The following CD96 variants were observed in gnomAD, a reference collection of about 807,000 sequenced individuals.
CD96 encodes CD96 molecule, also known as T-cell surface protein tactile.
Under a neutral mutation model 71.3 loss-of-function variants are expected in CD96, and 70 were observed. The ratio of observed to expected loss-of-function variants is 0.98; its 90% CI spans 0.81 to 1.20. The LOEUF (loss-of-function observed/expected upper bound fraction) is 1.20. Ranked by LOEUF, CD96 falls within the 50% of genes most tolerant of loss-of-function variation. CD96 has a pLI of 0.00. For synonymous variants in CD96, 248 were observed against 233.0 expected, an observed-to-expected ratio of 1.06 and a Z score of -0.59; for missense variants, 742 against 677.5, an observed-to-expected ratio of 1.10 and a Z score of -1.06.
Position 111,606,721 on chromosome 3 carries a change from A to G in CD96, c.1109A>G (p.Asp370Gly), listed in dbSNP as rs761865731. 8 of 1,592,280 alleles carry G rather than the reference A, an allele frequency of 5.0e-6. No individual in the cohort carries two copies. The highest frequency in any genetic ancestry group is 1.7e-4 in the Middle Eastern group (1 of 6,020). Residue 370 changes from aspartate (D) to glycine (G), a missense_variant, in exon 8 of 14, where the codon GAC (aspartate) becomes GGC (glycine). Coordinates refer to ENST00000352690, the MANE Select transcript of CD96 (RefSeq NM_005816.5). Reference protein sequence around the residue: ...FLLGSEISSTDPPLSVTESTL... With the variant: ...FLLGSEISSTGPPLSVTESTL... ...TAAGGTTCTGAAATTTCCTCAACAG[A>G]CCCTCCACTGAGTGTTACAGAATCT...
intron 10 of CD96, among the ~76,000 whole-genome samples, chr3:111,631,161 G>A (rs930643031): frequency 6.6e-6 from 1 of 152,142 alleles, no homozygotes; most frequent in Non-Finnish European, 1.5e-5. Context: ...CCAGGCAAGA[G>A]AAAGAAATAA....
At chr3:111,608,069 G>GTGTGGAA (rs1937712183) in intron 8 of CD96, among the ~76,000 whole-genome samples, 1 of 152,196 alleles carries the variant, frequency 6.6e-6, no homozygotes, top group South Asian at 2.1e-4. Flanking sequence ...GCTGGAAGGT[G>GTGTGGAA]CTAACCTGGG....
intron 12 of CD96, among the ~76,000 whole-genome samples, chr3:111,646,072 C>T (rs989188841): frequency 6.6e-6 from 1 of 152,074 alleles, no homozygotes; most frequent in African/African-American, 2.4e-5. Flanking sequence ...GCAGTTACTA[C>T]CTAGCCGAGA....
chr3:111,565,343 A>G (rs1446278329), intron 2 of CD96, among the ~76,000 whole-genome samples: 2 of 152,138 alleles, frequency 1.3e-5, no homozygotes, highest in African/African-American at 4.8e-5. Flanking sequence ...TACCCTATTT[A>G]TCTTCTTTGT....
intron 2 of CD96, among the ~76,000 whole-genome samples, chr3:111,551,512 T>C (rs898545246): frequency 2.0e-5 from 3 of 152,280 alleles, no homozygotes; most frequent in South Asian, 2.1e-4. Context: ...TCAAAATCAT[T>C]TTGAAATTTA....
chr3:111,588,814 A>T (rs577232115), intron 5 of CD96, among the ~76,000 whole-genome samples: 43 of 152,356 alleles, frequency 2.8e-4, no homozygotes, highest in African/African-American at 1.0e-3. Flanking sequence ...AATCCTGATT[A>T]TACAGCAAAA....
intron 12 of CD96, among the ~76,000 whole-genome samples, chr3:111,640,167 T>G (rs1939525170): frequency 6.6e-6 from 1 of 152,064 alleles, no homozygotes; most frequent in Non-Finnish European, 1.5e-5. Flanking sequence ...TTCAGGAGAT[T>G]AGTTATTTAA....
intron 3 of CD96, among the ~76,000 whole-genome samples, chr3:111,574,958 T>G (rs1387858278): frequency 6.6e-6 from 1 of 151,794 alleles, no homozygotes; most frequent in Non-Finnish European, 1.5e-5. Context: ...TAACTTTTTT[T>G]TTTTTTTGTA....
Position 111,585,349 on chromosome 3 carries a change from G to A in CD96, c.778G>A (p.Glu260Lys), listed in dbSNP as rs760533700. The A allele has an allele frequency of 1.2e-6, 2 of 1,611,286 alleles. No homozygotes were observed. The highest frequency in any genetic ancestry group is 1.7e-6 in the Non-Finnish European group (2 of 1,177,556). The change falls in exon 5 of 14, where the codon GAA (glutamate) becomes AAA (lysine). Residue 260 changes from glutamate (E) to lysine (K), a missense_variant. Physicochemically the swap from Glu to Lys is moderately conservative, Grantham distance 56. Transcript: ENST00000352690. The stretch of plus-strand genomic sequence containing the variant: ...TAAACCAGAAATCCCTGTGATTGTG[G>A]AAAATAACTCCACGGATGTCTTGGT... ...FAKPEIPVIV[E>K]NNSTDVLVER...
chr3:111,579,430 A>T (rs766346588), intron 4 of CD96, 196 bp downstream of exon 4: 1 of 663,386 alleles, frequency 1.5e-6, no homozygotes, highest in South Asian at 1.5e-5. Flanking sequence ...TGATTCTGTT[A>T]ACAGAATAAA....
intron 5 of CD96, among the ~76,000 whole-genome samples, chr3:111,596,139 G>A (rs1371109203): frequency 6.6e-6 from 1 of 151,158 alleles, no homozygotes; most frequent in African/African-American, 2.4e-5. Context: ...TCCAGCCTGG[G>A]CGACAGAGGG....
intron 7 of CD96, among the ~76,000 whole-genome samples, chr3:111,602,572 C>T (rs114925862): frequency 0.011 from 1,611 of 152,264 alleles, 34 homozygotes; most frequent in African/African-American, 0.036. Flanking sequence ...ATCTATGTGA[C>T]TGACTTAGAA....
At chr3:111,655,770 C>T (rs1159480492), downstream of CD96, among the ~76,000 whole-genome samples, 2 of 151,976 alleles carry the variant, frequency 1.3e-5, no homozygotes, top group South Asian at 2.1e-4. Context: ...CTACTAAAAA[C>T]TCTTGAGAAA....
At chr3:111,551,919 T>C (rs775858389) in intron 2 of CD96, among the ~76,000 whole-genome samples, 5 of 152,186 alleles carry the variant, frequency 3.3e-5, no homozygotes, top group Non-Finnish European at 5.9e-5. Flanking sequence ...CCACCAACAG[T>C]GTAAAAGCAT....
At chr3:111,657,583 A>G (rs1333296724) in intron 14 of CD96, among the ~76,000 whole-genome samples, 2 of 152,292 alleles carry the variant, frequency 1.3e-5, no homozygotes, top group East Asian at 1.9e-4. Context: ...TAATGATATA[A>G]GCAAAGCAAT....
At chr3:111,660,998 G>T (rs1940340113) in intron 14 of CD96, among the ~76,000 whole-genome samples, 1 of 152,096 alleles carries the variant, frequency 6.6e-6, no homozygotes, top group Non-Finnish European at 1.5e-5. Context: ...CCTGAAACTG[G>T]GTAATTTATG....
chr3:111,647,605 T>C lies in CD96; in HGVS notation c.1540T>C (p.Phe514Leu), dbSNP rs1347699364. 6.2e-7 allele frequency: 1 copy of C among 1,611,792 alleles called. No homozygotes were observed. The highest frequency in any genetic ancestry group is 1.3e-5 in the African/African-American group (1 of 74,868). The change falls in exon 13 of 14, where the codon TTT (phenylalanine) becomes CTT (leucine). Residue 514 changes from phenylalanine to leucine, a missense_variant. Phe to Leu is a conservative substitution (Grantham distance 22). Coordinates refer to ENST00000352690, the MANE Select transcript of CD96 (RefSeq NM_005816.5). Reference protein sequence around the residue: ...SWPVIVAALLFCCMILFGLGV... With the variant: ...SWPVIVAALLLCCMILFGLGV... ...GCCAGTGATTGTAGCAGCTTTACTC[T>C]TTTGCTGCATGATATTGTTTGGTCT...
intron 2 of CD96, among the ~76,000 whole-genome samples, chr3:111,551,759 T>C (rs1020913496): frequency 6.6e-6 from 1 of 152,070 alleles, no homozygotes; most frequent in African/African-American, 2.4e-5. Context: ...TTGTTCCCCC[T>C]CATGGGTCAG....
At chr3:111,632,447 A>G (rs966693978) in intron 10 of CD96, among the ~76,000 whole-genome samples, 1 of 152,208 alleles carries the variant, frequency 6.6e-6, no homozygotes, top group Admixed American at 6.5e-5. Context: ...CAGAATGTCT[A>G]TTACTAAATA....
Sources: allele counts gnomAD v4.1 joint callset (sites outside exome capture counted in the v4.1 genomes callset), GRCh38; gene constraint gnomAD v4.1.1; transcripts MANE v1.5; gene names NCBI Gene and HGNC (gene_info 2026-07-23, HGNC 2026-07-21).